TMEM132C: variants seen among roughly 807,000 people sequenced by gnomAD.
TMEM132C encodes protein phosphatase 1, regulatory subunit 152.
A neutral mutation model predicts 61.4 loss-of-function variants in TMEM132C; 29 were observed. That is an observed-to-expected ratio of 0.47 (90% CI 0.35 to 0.64). The LOEUF (loss-of-function observed/expected upper bound fraction) is 0.64. Ranked by LOEUF, TMEM132C falls within the 30% of genes least tolerant of loss-of-function variation. The pLI, the probability that TMEM132C is intolerant of heterozygous loss-of-function variation, is 0.00. For missense variants in TMEM132C, 1,408 were observed against 1,476.9 expected, an observed-to-expected ratio of 0.95 and a Z score of 0.76; for synonymous variants, 656 against 633.1, an observed-to-expected ratio of 1.04 and a Z score of -0.54.
rs1275210178 is a variant in TMEM132C at position 128,267,344 on chromosome 12, C to CGCGGGCGGGCGCTGCGCT, written c.-58_-41dup. 6.2e-6 allele frequency: 6 copies of CGCGGGCGGGCGCTGCGCT among 973,700 alleles called. No homozygotes were observed. Among genetic ancestry groups the CGCGGGCGGGCGCTGCGCT allele is most frequent in the Non-Finnish European group, 6.1e-6 (5 of 819,722 alleles). 60.3% of individuals were successfully genotyped at this position (973,700 alleles called of 1,614,324 possible). On this transcript the variant is annotated 5_prime_UTR_variant, in exon 1 of 9. Coordinates refer to ENST00000435159, the MANE Select transcript of TMEM132C (RefSeq NM_001136103.3). Reference sequence around the variant, plus strand: ...CGGGCATGGGGCGGCCGGCGGGGGCCGCGGGCGGGCGCTGCGCTTCGGGCT... The same window carrying CGCGGGCGGGCGCTGCGCT: ...CGGGCATGGGGCGGCCGGCGGGGGCCGCGGGCGGGCGCTGCGCTGCGGGCGGGCGCTGCGCTTCGGGCT...
intron 4 of TMEM132C, among the ~76,000 whole-genome samples, chr12:128,653,040 G>C (rs866480146): frequency 1.6e-4 from 24 of 152,242 alleles, no homozygotes; most frequent in African/African-American, 5.3e-4. Flanking sequence ...TCCATCAATT[G>C]AGAAAGAAAT....
At chr12:128,331,271 A>G (rs1424595678) in intron 1 of TMEM132C, among the ~76,000 whole-genome samples, 4 of 152,236 alleles carry the variant, frequency 2.6e-5, no homozygotes, top group Admixed American at 2.6e-4. Context: ...ATATATGCAC[A>G]TCAATAAGCA....
intron 4 of TMEM132C, among the ~76,000 whole-genome samples, chr12:128,631,888 A>C (rs564586266): frequency 1.1e-4 from 16 of 152,324 alleles, no homozygotes; most frequent in African/African-American, 3.6e-4. Flanking sequence ...CGGTATTGTC[A>C]TCCCATTTCT....
At chr12:128,269,602 T>G (rs773058829) in intron 1 of TMEM132C, among the ~76,000 whole-genome samples, 19 of 152,166 alleles carry the variant, frequency 1.2e-4, no homozygotes, top group Non-Finnish European at 1.9e-4. Context: ...GATGGGGCTT[T>G]CTTTCCCTGC....
At chr12:128,657,969 A>G (rs1419379913) in intron 4 of TMEM132C, among the ~76,000 whole-genome samples, 2 of 152,232 alleles carry the variant, frequency 1.3e-5, no homozygotes, top group Non-Finnish European at 2.9e-5. Context: ...TCCCCATTTC[A>G]CAGATGAGGA....
At chr12:128,375,310 C>T (rs749896487) in intron 1 of TMEM132C, among the ~76,000 whole-genome samples, 14 of 152,112 alleles carry the variant, frequency 9.2e-5, no homozygotes, top group Non-Finnish European at 1.3e-4. Context: ...GTGACAATGA[C>T]CCCGCACTGG....
At chr12:128,452,120 C>G (rs1870193697) in intron 2 of TMEM132C, among the ~76,000 whole-genome samples, 2 of 151,952 alleles carry the variant, frequency 1.3e-5, no homozygotes, top group African/African-American at 4.8e-5. Context: ...TACAGGGTCT[C>G]TCTCACTCTG....
intron 2 of TMEM132C, among the ~76,000 whole-genome samples, chr12:128,494,050 T>G (rs890114397): frequency 6.6e-5 from 10 of 152,384 alleles, no homozygotes; most frequent in African/African-American, 2.2e-4. Context: ...TTGAGAGTTT[T>G]TAGCATGAAG....
intron 1 of TMEM132C, among the ~76,000 whole-genome samples, chr12:128,346,521 T>G (rs1174150995): frequency 6.6e-6 from 1 of 152,210 alleles, no homozygotes; most frequent in Non-Finnish European, 1.5e-5. Context: ...ACAATATTAG[T>G]TCTTTCTATC....
At chr12:128,469,636 GTGTT>G (rs1240728586) in intron 2 of TMEM132C, among the ~76,000 whole-genome samples, 2 of 150,248 alleles carry the variant, frequency 1.3e-5, no homozygotes, top group South Asian at 2.1e-4. Context: ...TTGTGTGTGT[GTGTT>G]TGTGTGTGTG....
intron 1 of TMEM132C, among the ~76,000 whole-genome samples, chr12:128,319,752 G>T (rs902201625): frequency 7.2e-5 from 11 of 151,936 alleles, no homozygotes; most frequent in Non-Finnish European, 1.3e-4. Context: ...CTTGAACTTG[G>T]GAGGTGGAGG....
chr12:128,663,932 G>A (rs1314415878), intron 4 of TMEM132C, among the ~76,000 whole-genome samples: 5 of 122,046 alleles, frequency 4.1e-5, no homozygotes, highest in African/African-American at 9.6e-5. Flanking sequence ...CTGCACGCAC[G>A]CGGACACTCA....
chr12:128,268,002 G>C (rs1023400577), intron 1 of TMEM132C, among the ~76,000 whole-genome samples: 1 of 152,224 alleles, frequency 6.6e-6, no homozygotes, highest in Admixed American at 6.5e-5. Flanking sequence ...GCAACCGCTA[G>C]GGTCTCTGTG....
At chr12:128,564,512 C>A (rs560365318) in intron 3 of TMEM132C, among the ~76,000 whole-genome samples, 18 of 152,314 alleles carry the variant, frequency 1.2e-4, no homozygotes, top group Non-Finnish European at 2.4e-4. Flanking sequence ...TGCTTCTTTG[C>A]AGGAATTCCA....
intron 1 of TMEM132C, among the ~76,000 whole-genome samples, chr12:128,361,401 G>C (rs974149857): frequency 6.6e-6 from 1 of 152,118 alleles, no homozygotes; most frequent in African/African-American, 2.4e-5. Context: ...TCTATGTGGG[G>C]AATCTCAAAT....
chr12:128,576,204 A>C (rs1875085636), intron 3 of TMEM132C, among the ~76,000 whole-genome samples: 1 of 150,730 alleles, frequency 6.6e-6, no homozygotes, highest in Non-Finnish European at 1.5e-5. Context: ...CAGTGAGCTG[A>C]GATCACGCCA....
intron 8 of TMEM132C, among the ~76,000 whole-genome samples, chr12:128,702,506 G>T (rs899509595): frequency 6.6e-6 from 1 of 152,022 alleles, no homozygotes; most frequent in Non-Finnish European, 1.5e-5. Flanking sequence ...TCACCTTCCT[G>T]TGTAAATGTT....
chr12:128,311,422 G>T (rs1414171417), intron 1 of TMEM132C, among the ~76,000 whole-genome samples: 2 of 152,214 alleles, frequency 1.3e-5, no homozygotes, highest in Admixed American at 6.5e-5. Context: ...CGCCACAGGG[G>T]ACTGATGCTG....
intron 2 of TMEM132C, among the ~76,000 whole-genome samples, chr12:128,443,292 G>C (rs548687784): frequency 2.0e-4 from 30 of 151,916 alleles, no homozygotes; most frequent in Admixed American, 5.3e-4. Flanking sequence ...GGTAGGTGAG[G>C]GACAAAAGAC....
Sources: allele counts gnomAD v4.1 joint callset (sites outside exome capture counted in the v4.1 genomes callset), GRCh38; gene constraint gnomAD v4.1.1; transcripts MANE v1.5; gene names NCBI Gene and HGNC (gene_info 2026-07-23, HGNC 2026-07-21).